LAMC2: variants seen among roughly 807,000 people sequenced by gnomAD.
The protein encoded by LAMC2 is laminin subunit gamma-2.
LAMC2 carries 97 observed loss-of-function variants against 140.2 expected under a neutral mutation model. The observed-to-expected ratio is 0.69, with a 90% CI of 0.59 to 0.82. The LOEUF is 0.82. LAMC2 is among the 40% of genes least tolerant of loss of function. LAMC2 has a pLI of 0.00. For synonymous variants in LAMC2, 513 were observed against 540.2 expected, an observed-to-expected ratio of 0.95 and a Z score of 0.70; for missense variants, 1,402 against 1,476.1, an observed-to-expected ratio of 0.95 and a Z score of 0.82.
At chr1:183,212,236 T>TA (rs1237342823) in intron 2 of LAMC2, among the ~76,000 whole-genome samples, 1 of 152,196 alleles carries the variant, frequency 6.6e-6, no homozygotes, top group Admixed American at 6.5e-5. Context: ...CCATTCATGT[T>TA]AAAAACAACC....
chr1:183,188,597 C>G (rs916054526), intron 1 of LAMC2, among the ~76,000 whole-genome samples: 2 of 152,228 alleles, frequency 1.3e-5, no homozygotes, highest in Non-Finnish European at 2.9e-5. Flanking sequence ...AATAGTACTT[C>G]AACCTTGTAG....
rs763879306 is a variant in LAMC2 at position 183,186,346 on chromosome 1, C to CA, written c.-7_-6insA. 5.6e-6 allele frequency: 9 copies of CA among 1,593,880 alleles called. No individual in the cohort carries two copies. The highest frequency in any genetic ancestry group is 5.6e-5 in the South Asian group (5 of 88,986). ...CGGAGACAGAGACTGAGCGGCCCGG[C>CA]CCCGCCATGCCTGCGCTCTGGCTGG... is the stretch of plus-strand genomic sequence containing the variant. On this transcript the variant is annotated 5_prime_UTR_variant, in exon 1 of 23. Coordinates refer to ENST00000264144, the MANE Select transcript of LAMC2 (RefSeq NM_005562.3).
At chr1:183,234,129 C>A (rs535263990) in intron 14 of LAMC2, among the ~76,000 whole-genome samples, 25 of 152,272 alleles carry the variant, frequency 1.6e-4, no homozygotes, top group Admixed American at 4.6e-4. Context: ...TCAGGTGATT[C>A]ACCCGCCCTG....
rs201246173 is a variant in LAMC2 at position 183,223,166 on chromosome 1, T to C, written c.795T>C (p.Tyr265=). ...TTCTTGGGAATCAACAGGTGAGCTATGGTCAAAGCCTGTCCTTTGACTACC... is the reference window on the plus strand; with the variant it reads ...TTCTTGGGAATCAACAGGTGAGCTACGGTCAAAGCCTGTCCTTTGACTACC... ...AKFLGNQQVS[Y]GQSLSFDYRV... is the part of the protein sequence containing the mutation. Residue 265 remains tyrosine (Y), a synonymous_variant, in exon 7 of 23, where the codon TAT becomes TAC. Transcript: ENST00000264144. 105 of 1,614,198 alleles carry C rather than the reference T, an allele frequency of 6.5e-5. No individual in the cohort carries two copies. The highest frequency in any genetic ancestry group is 5.0e-4 in the Middle Eastern group (3 of 6,060).
intron 1 of LAMC2, among the ~76,000 whole-genome samples, chr1:183,187,940 A>G (rs1420914225): frequency 6.6e-6 from 1 of 152,256 alleles, no homozygotes; most frequent in Non-Finnish European, 1.5e-5. Context: ...TTTATACATG[A>G]TAAGTAATCA....
Position 183,186,396 on chromosome 1 carries a change from T to A in LAMC2, c.44T>A (p.Leu15His). The change falls in exon 1 of 23, where the codon CTC becomes CAC. Residue 15 changes from leucine to histidine, a missense_variant. Around this residue, in one of 3 missense-constraint regions of LAMC2, gnomAD observed 723 missense variants for 783.3 expected, o/e 0.92. Transcript: ENST00000264144. ...WLGCCLCFSLLLPAARATSRR... is the reference protein window; with the variant it reads ...WLGCCLCFSLHLPAARATSRR... The stretch of plus-strand genomic sequence containing the variant: ...GGCTGCTGCCTCTGCTTCTCGCTCC[T>A]CCTGCCCGCAGCCCGGGCCACCTCC... 2 of 1,605,848 alleles carry A rather than the reference T, an allele frequency of 1.2e-6. No individual in the cohort carries two copies. The highest frequency in any genetic ancestry group is 1.7e-6 in the Non-Finnish European group (2 of 1,179,650).
the LAMC2 span, among the ~76,000 whole-genome samples, chr1:183,258,671 T>TCTGA: frequency 6.6e-6 from 1 of 152,140 alleles, no homozygotes; most frequent in Non-Finnish European, 1.5e-5. Context: ...GGCTACAAGA[T>TCTGA]CTGACCCTCC....
intron 2 of LAMC2, 44 bp from the exon 3 acceptor site, chr1:183,215,409 T>C (rs1314756439): frequency 6.2e-7 from 1 of 1,611,518 alleles, no homozygotes; most frequent in African/African-American, 1.3e-5. Context: ...TACATTAAAA[T>C]ATTTCTTCTT....
chr1:183,217,837 C>T (rs936912482), intron 3 of LAMC2, among the ~76,000 whole-genome samples: 8 of 152,106 alleles, frequency 5.3e-5, no homozygotes, highest in African/African-American at 9.7e-5. Flanking sequence ...TTAATATTGA[C>T]GGTGATGGCT....
At position 183,207,968 on chromosome 1, in the gene LAMC2, G is replaced by A; in HGVS notation, c.167G>A (p.Cys56Tyr). 2.5e-6 allele frequency: 4 copies of A among 1,613,794 alleles called. No individual in the cohort carries two copies. Among genetic ancestry groups the A allele is most frequent in the Non-Finnish European group, 2.5e-6 (3 of 1,179,926 alleles). The change falls in exon 2 of 23, where the codon TGC (cysteine) becomes TAC (tyrosine). Residue 56 changes from cysteine to tyrosine, a missense_variant. Physicochemically the swap from Cys to Tyr is radical, Grantham distance 194. Around this residue, in one of 3 missense-constraint regions of LAMC2, gnomAD observed 723 missense variants for 783.3 expected, o/e 0.92. Transcript: ENST00000264144. ...QTGNGFRCLN[C>Y]NDNTDGIHCE... ...GGTAATGGATTCCGCTGCCTCAACTGCAATGACAACACTGATGGCATTCAC... is the reference window on the plus strand; with the variant it reads ...GGTAATGGATTCCGCTGCCTCAACTACAATGACAACACTGATGGCATTCAC...
At chr1:183,237,156 T>A (rs1659989411) in intron 17 of LAMC2, among the ~76,000 whole-genome samples, 196 bp from the exon 18 acceptor site, 1 of 152,222 alleles carries the variant, frequency 6.6e-6, no homozygotes, top group East Asian at 1.9e-4. Context: ...TGTTTGACAT[T>A]GAGGGGACCT....
intron 2 of LAMC2, among the ~76,000 whole-genome samples, chr1:183,214,724 G>A (rs984744327): frequency 5.3e-5 from 8 of 152,158 alleles, no homozygotes; most frequent in African/African-American, 1.9e-4. Context: ...GGGCCTGGGT[G>A]AGAGAAGGTG....
At chr1:183,199,432 C>T (rs553586372) in intron 1 of LAMC2, among the ~76,000 whole-genome samples, 120 of 151,794 alleles carry the variant, frequency 7.9e-4, no homozygotes, top group African/African-American at 2.8e-3. Context: ...CTCCTTCCTT[C>T]CTTCCTTCCT....
chr1:183,219,620 C>T (rs192547512), intron 4 of LAMC2, among the ~76,000 whole-genome samples: 23 of 152,194 alleles, frequency 1.5e-4, no homozygotes, highest in Admixed American at 6.5e-4. Flanking sequence ...CTTCCCTCCC[C>T]ACTCCTCCCC....
At chr1:183,238,459 A>T (rs532110744) in intron 19 of LAMC2, 38 bp downstream of exon 19, 5 of 1,409,616 alleles carry the variant, frequency 3.5e-6, no homozygotes, top group East Asian at 2.3e-5. Context: ...GAGTATTTTA[A>T]GTGTATAGTC....
chr1:183,202,241 G>C (rs1658731367), intron 1 of LAMC2, among the ~76,000 whole-genome samples: 1 of 148,298 alleles, frequency 6.7e-6, no homozygotes, highest in South Asian at 2.1e-4. Context: ...AAAAAACAAA[G>C]AAAACCACAC....
chr1:183,214,926 T>C (rs1659204538), intron 2 of LAMC2, among the ~76,000 whole-genome samples: 1 of 152,100 alleles, frequency 6.6e-6, no homozygotes, highest in Non-Finnish European at 1.5e-5. Context: ...ACAGGGTACA[T>C]CTCACTTGGG....
Position 183,234,201 on chromosome 1 carries a change from A to C in LAMC2, c.2221-166A>C, listed in dbSNP as rs187654295. Among the ~76,000 whole-genome samples, 24 of 152,344 alleles carry C rather than the reference A, an allele frequency of 1.6e-4. No individual in the cohort carries two copies. In the East Asian group the frequency reaches 3.5e-3, roughly 22 times the overall value. ...CACACCCGGCCTATACATACTTTTT[A>C]AAAATAGAATAATGGTGAATAGAGG... is the stretch of plus-strand genomic sequence containing the variant. On this transcript the variant is annotated intron_variant, in intron 14 of 22. Transcript: ENST00000264144.
chr1:183,218,415 G>C lies in LAMC2; in HGVS notation c.430G>C (p.Ala144Pro), dbSNP rs370492230. The C allele has an allele frequency of 2.4e-5, 38 of 1,614,176 alleles. No individual in the cohort carries two copies. The East Asian group carries it at 7.8e-4, about 33-fold the overall frequency. The part of the protein sequence containing the change: ...LLDSKCDCDP[A>P]GIAGPCDAGR... ...AGACTCCAAGTGTGACTGTGACCCA[G>C]CTGGCATCGCAGGGCCCTGTGACGC... The change falls in exon 4 of 23, where the codon GCT becomes CCT. Residue 144 changes from alanine to proline, a missense_variant. Ala to Pro is a conservative substitution (Grantham distance 27, BLOSUM62 -1). Around this residue, in one of 3 missense-constraint regions of LAMC2, gnomAD observed 723 missense variants for 783.3 expected, o/e 0.92. Coordinates refer to ENST00000264144, the MANE Select transcript of LAMC2 (RefSeq NM_005562.3).
Sources: allele counts gnomAD v4.1 joint callset (sites outside exome capture counted in the v4.1 genomes callset), GRCh38; gene constraint gnomAD v4.1.1; regional missense constraint gnomAD v4.1.1; transcripts MANE v1.5; gene names NCBI Gene and HGNC (gene_info 2026-07-23, HGNC 2026-07-21).